ME1: variants seen among roughly 807,000 people sequenced by gnomAD.
The protein encoded by ME1 is malic enzyme 1, also known as NADP-dependent malic enzyme.
ME1 carries 74 observed loss-of-function variants against 66.4 expected under a neutral mutation model. That is an observed-to-expected ratio of 1.11 (90% CI 0.92 to 1.35). The LOEUF (loss-of-function observed/expected upper bound fraction) is 1.35, where lower values mean the gene tolerates loss of function less well. Among genes scored for constraint, ME1 ranks in the 40% most tolerant of loss-of-function variants. ME1 has a pLI of 0.00. For synonymous variants in ME1, 251 were observed against 235.6 expected (o/e 1.07, Z -0.60); for missense variants, 750 against 694.1 (o/e 1.08, Z -0.90).
intron 6 of ME1, among the ~76,000 whole-genome samples, chr6:83,284,802 C>T (rs916722587): frequency 6.8e-4 from 103 of 152,194 alleles, no homozygotes; most frequent in African/African-American, 2.3e-3. Context: ...GACAATGATG[C>T]TCACTCTCCC....
intron 5 of ME1, among the ~76,000 whole-genome samples, chr6:83,325,943 G>A (rs1768280574): frequency 1.8e-5 from 2 of 112,040 alleles, no homozygotes; most frequent in South Asian, 5.4e-4. Context: ...AAAAAACGAA[G>A]CAAACAAAAA....
intron 6 of ME1, among the ~76,000 whole-genome samples, chr6:83,279,236 A>T (rs1039102001): frequency 1.3e-5 from 2 of 152,220 alleles, no homozygotes; most frequent in South Asian, 2.1e-4. Context: ...TATTAAAGGC[A>T]TATCTCCCTA....
chr6:83,306,899 G>A (rs191560670), intron 6 of ME1, among the ~76,000 whole-genome samples: 87 of 152,170 alleles, frequency 5.7e-4, no homozygotes, highest in Non-Finnish European at 7.7e-4. Flanking sequence ...CAAAAACAGT[G>A]TAAAACATTT....
intron 6 of ME1, among the ~76,000 whole-genome samples, chr6:83,266,294 A>G (rs1766988625): frequency 6.6e-6 from 1 of 152,212 alleles, no homozygotes; most frequent in Non-Finnish European, 1.5e-5. Flanking sequence ...CCACAGAGTA[A>G]TGGAAATCCA....
At chr6:83,428,971 C>G (rs904446786) in intron 1 of ME1, among the ~76,000 whole-genome samples, 3 of 152,068 alleles carry the variant, frequency 2.0e-5, no homozygotes, top group African/African-American at 7.2e-5. Flanking sequence ...ATTGTTATAT[C>G]ATAAATTCTT....
chr6:83,270,847 T>C (rs1767070256), intron 6 of ME1, among the ~76,000 whole-genome samples: 1 of 152,102 alleles, frequency 6.6e-6, no homozygotes, highest in Non-Finnish European at 1.5e-5. Flanking sequence ...AAGTTCTAAG[T>C]TGTTCAACAG....
intron 2 of ME1, among the ~76,000 whole-genome samples, chr6:83,403,205 T>G (rs1206891363): frequency 6.6e-6 from 1 of 152,214 alleles, no homozygotes; most frequent in African/African-American, 2.4e-5. Flanking sequence ...GGTGGAAGTA[T>G]GGATCTTGTT....
chr6:83,244,465 A>G (rs1414622826), intron 7 of ME1, among the ~76,000 whole-genome samples: 1 of 152,048 alleles, frequency 6.6e-6, no homozygotes, highest in Non-Finnish European at 1.5e-5. Flanking sequence ...AATAGTACCT[A>G]TAGGTATATA....
chr6:83,274,167 C>T (rs945288090), intron 6 of ME1, among the ~76,000 whole-genome samples: 3 of 152,094 alleles, frequency 2.0e-5, no homozygotes, highest in African/African-American at 7.2e-5. Flanking sequence ...TTTAAAATTT[C>T]CATTCAGACT....
chr6:83,284,035 A>T (rs1767354104), intron 6 of ME1, among the ~76,000 whole-genome samples: 1 of 152,172 alleles, frequency 6.6e-6, no homozygotes, highest in Admixed American at 6.5e-5. Flanking sequence ...ACGCACAATC[A>T]AAAACAACAA....
chr6:83,217,396 C>G (rs1397852923), intron 12 of ME1, among the ~76,000 whole-genome samples: 1 of 152,128 alleles, frequency 6.6e-6, no homozygotes, highest in Non-Finnish European at 1.5e-5. Context: ...TTCAGTATAT[C>G]TTAATATCTT....
intron 5 of ME1, among the ~76,000 whole-genome samples, chr6:83,334,404 T>C (rs1273116423): frequency 1.6e-5 from 1 of 63,004 alleles, no homozygotes; most frequent in Non-Finnish European, 3.2e-5. Flanking sequence ...CGCCCGCCAT[T>C]GCCCAGGCTT....
intron 6 of ME1, among the ~76,000 whole-genome samples, chr6:83,300,610 CTTTTTTTTTT>C (rs35205380): frequency 2.4e-5 from 2 of 84,990 alleles, no homozygotes; most frequent in Non-Finnish European, 4.4e-5. Flanking sequence ...TTCTTTCTTT[CTTTTTTTTTT>C]TTTTTTTTTT....
chr6:83,377,039 A>G (rs1769305472), intron 3 of ME1, among the ~76,000 whole-genome samples: 1 of 152,160 alleles, frequency 6.6e-6, no homozygotes, highest in African/African-American at 2.4e-5. Flanking sequence ...GAAAAAGTTT[A>G]TACTGTGGAA....
intron 7 of ME1, among the ~76,000 whole-genome samples, chr6:83,253,144 TA>T (rs1175825739): frequency 6.6e-6 from 1 of 151,976 alleles, no homozygotes; most frequent in African/African-American, 2.4e-5. Flanking sequence ...TGGAGAGGAT[TA>T]AAAAACTAGA....
chr6:83,275,464 CTTTTT>C (rs767009219), intron 6 of ME1, among the ~76,000 whole-genome samples: 1 of 119,718 alleles, frequency 8.4e-6, no homozygotes, highest in Admixed American at 8.5e-5. Context: ...TAGTTTTGAT[CTTTTT>C]TTTTTTTTTT....
At chr6:83,428,555 C>T (rs757667104) in intron 1 of ME1, among the ~76,000 whole-genome samples, 1 of 152,074 alleles carries the variant, frequency 6.6e-6, no homozygotes, top group Admixed American at 6.6e-5. Flanking sequence ...CTCTTTGGAG[C>T]CAAGGTTATT....
intron 5 of ME1, among the ~76,000 whole-genome samples, chr6:83,342,472 A>C (rs574481690): frequency 3.0e-4 from 46 of 152,326 alleles, no homozygotes; most frequent in African/African-American, 1.0e-3. Context: ...CTAGATTCAG[A>C]GCATCCTGCT....
intron 6 of ME1, among the ~76,000 whole-genome samples, chr6:83,256,360 C>T (rs1583343319): frequency 6.6e-6 from 1 of 151,812 alleles, no homozygotes; most frequent in African/African-American, 2.4e-5. Context: ...TCTCAAAGGG[C>T]TAAGAGAAAA....
Sources: gnomAD v4.1 joint callset for allele counts (sites outside exome capture counted in the v4.1 genomes callset) on GRCh38, gnomAD v4.1.1 for gene constraint, MANE v1.5 for transcripts, NCBI Gene and HGNC (gene_info 2026-07-23, HGNC 2026-07-21) for gene names.